The following NFATC2IP variants were observed in gnomAD, a reference collection of about 807,000 sequenced individuals.
NFATC2IP encodes nuclear factor of activated T cells 2 interacting protein, also known as NFATC2-interacting protein.
Under a neutral mutation model 40.2 loss-of-function variants are expected in NFATC2IP, and 25 were observed. The observed-to-expected ratio is 0.62, with a 90% CI of 0.45 to 0.87. The LOEUF (loss-of-function observed/expected upper bound fraction) is 0.87. Ranked by LOEUF, NFATC2IP falls within the 40% of genes least tolerant of loss-of-function variation. The pLI is 0.00. For synonymous variants in NFATC2IP, 241 were observed against 236.3 expected (o/e 1.02, Z -0.18); for missense variants, 553 against 555.6 (o/e 1.00, Z 0.05).
At chr16:28,953,001 G>T (rs1007936727) in intron 2 of NFATC2IP, among the ~76,000 whole-genome samples, 4 of 152,044 alleles carry the variant, frequency 2.6e-5, no homozygotes, top group African/African-American at 9.7e-5. Context: ...TTCCCAAATT[G>T]CTGGGATTAC....
rs368329011 is a variant in NFATC2IP, at chr16:28,959,017, G to A, written c.1018G>A (p.Glu340Lys). The A allele has an allele frequency of 1.9e-6, 3 of 1,614,048 alleles. No individual in the cohort carries two copies. The highest frequency in any genetic ancestry group is 2.5e-6 in the Non-Finnish European group (3 of 1,179,914). ...CTGTGTGGTACTAACAAGTTCTCCAGAGGCCACAGAGACGTCCCAACAGCT... is the reference window on the plus strand; with the variant it reads ...CTGTGTGGTACTAACAAGTTCTCCAAAGGCCACAGAGACGTCCCAACAGCT... ...IDCVVLTSSP[E>K]ATETSQQLQL... The change falls in exon 7 of 8, where the codon GAG becomes AAG. Residue 340 changes from glutamate to lysine, a missense_variant. Coordinates refer to ENST00000320805, the MANE Select transcript of NFATC2IP (RefSeq NM_032815.4).
chr16:28,959,664 C>G (rs1965062839), intron 7 of NFATC2IP, among the ~76,000 whole-genome samples: 1 of 149,458 alleles, frequency 6.7e-6, no homozygotes, highest in African/African-American at 2.5e-5. Context: ...CCTCTGCCTT[C>G]CGAGTTTCAA....
Position 28,959,086 on chromosome 16 carries a change from G to A in NFATC2IP, c.1087G>A (p.Val363Ile), listed in dbSNP as rs1965055346. 2.5e-6 allele frequency: 4 copies of A among 1,609,280 alleles called. No individual in the cohort carries two copies. The highest frequency in any genetic ancestry group is 3.4e-6 in the Non-Finnish European group (4 of 1,175,580). ...AAAGGAGAAACACCAGACACTGGAA[G>A]TCTCACTGTCTCGAGTGAGTGGGAG... ...QGKEKHQTLE[V>I]SLSRDSPLKT... is the part of the protein sequence containing the mutation. Residue 363 changes from valine (V) to isoleucine (I), a missense_variant, in exon 7 of 8, where the codon GTC (valine) becomes ATC (isoleucine). Physicochemically the swap from Val to Ile is conservative, Grantham distance 29 (BLOSUM62 3). Coordinates refer to ENST00000320805, the MANE Select transcript of NFATC2IP (RefSeq NM_032815.4).
At chr16:28,958,462 G>A in intron 5 of NFATC2IP, 1 of 397,532 alleles carries the variant, frequency 2.5e-6, no homozygotes, top group East Asian at 4.5e-5. Context: ...TAGGTGGCAT[G>A]TGAATTCCAG....
Position 28,951,103 on chromosome 16 carries a change from GTCCTCGGGCCCAGCGGTCTCCA to G in NFATC2IP, c.96_117del (p.Arg33GlyfsTer6). 6.5e-7 allele frequency: 1 copy of G among 1,544,802 alleles called. No homozygotes were observed. ...GGCGGCTGGGGCGGTCGGGGCCGGCGTCCTCGGGCCCAGCGGTCTCCATCCCGGGGCACGCTGGACGTAGTGT... is the reference window on the plus strand; with the variant it reads ...GGCGGCTGGGGCGGTCGGGGCCGGCGTCCCGGGGCACGCTGGACGTAGTGT... On this transcript the variant is annotated frameshift_variant, in exon 1 of 8. Transcript: ENST00000320805.
At position 28,956,355 on chromosome 16, in the gene NFATC2IP, A is replaced by G; in HGVS notation, c.846+18A>G. The G allele has an allele frequency of 6.2e-7, 1 of 1,605,378 alleles. No individual in the cohort carries two copies. Among genetic ancestry groups the G allele is most frequent in the Non-Finnish European group, 8.5e-7 (1 of 1,173,638 alleles). ...TCAGGATGGTGAGTGCCTGAGGCCCATGGGAGAAGGACCCAGGAGCTGCTT... is the reference window on the plus strand; with the variant it reads ...TCAGGATGGTGAGTGCCTGAGGCCCGTGGGAGAAGGACCCAGGAGCTGCTT... On this transcript the variant is annotated intron_variant, in intron 5 of 7. Coordinates refer to ENST00000320805, the MANE Select transcript of NFATC2IP (RefSeq NM_032815.4).
At chr16:28,962,780 G>T (rs1480790877) in intron 7 of NFATC2IP, among the ~76,000 whole-genome samples, 2 of 152,204 alleles carry the variant, frequency 1.3e-5, no homozygotes, top group Non-Finnish European at 2.9e-5. Context: ...CCTGGCTCCT[G>T]CTGGCGGCCC....
At position 28,951,295 on chromosome 16, in the gene NFATC2IP, A is replaced by G; in HGVS notation, c.284A>G (p.Glu95Gly). The change falls in exon 1 of 8, where the codon GAG becomes GGG. Residue 95 changes from glutamate to glycine, a missense_variant. Transcript: ENST00000320805. The stretch of plus-strand genomic sequence containing the variant: ...AACAGCAACAGTGACAGCGAAGGGG[A>G]GGACAGGCGGCCCGCAGGACCCCCG... Reference protein sequence around the residue: ...RDNSNSDSEGEDRRPAGPPRE... With the variant: ...RDNSNSDSEGGDRRPAGPPRE... The G allele has an allele frequency of 7.0e-7, 1 of 1,429,960 alleles. No homozygotes were observed. Among genetic ancestry groups the G allele is most frequent in the South Asian group, 1.5e-5 (1 of 67,878 alleles). The allele number at this position is 1,429,960 out of a possible 1,614,324, so 88.6% of individuals were successfully genotyped here.
In NFATC2IP at chr16:28,951,331, T is replaced by C. The variant is rs928865139; in HGVS notation, c.320T>C (p.Val107Ala). Reference sequence around the variant, plus strand: ...CCCGCAGGACCCCCGCGGGAGCCGGTCAGGCGGCGGCGGCGGCTGGTGCTG... The same window carrying C: ...CCCGCAGGACCCCCGCGGGAGCCGGCCAGGCGGCGGCGGCGGCTGGTGCTG... ...RRPAGPPREP[V>A]RRRRRLVLDP... Residue 107 changes from valine (V) to alanine (A), a missense_variant, in exon 1 of 8, where the codon GTC (valine) becomes GCC (alanine). Coordinates refer to ENST00000320805, the MANE Select transcript of NFATC2IP (RefSeq NM_032815.4). The C allele has an allele frequency of 2.1e-6, 3 of 1,404,162 alleles. No homozygotes were observed. Among genetic ancestry groups the C allele is most frequent in the Non-Finnish European group, 2.8e-6 (3 of 1,077,852 alleles). The allele number at this position is 1,404,162 out of a possible 1,614,324, so 87.0% of individuals were successfully genotyped here. A position where few individuals can be genotyped will look rare whatever the true frequency, so the allele number is the denominator to read the frequency against.
At chr16:28,959,955 G>A (rs1367539745) in intron 7 of NFATC2IP, among the ~76,000 whole-genome samples, 2 of 152,288 alleles carry the variant, frequency 1.3e-5, no homozygotes, top group Admixed American at 6.5e-5. Context: ...GTACACTTCT[G>A]GAGCCTAGAA....
rs768906176 is a variant in NFATC2IP at position 28,959,099 on chromosome 16, G to T, written c.1100G>T (p.Arg367Leu). Residue 367 changes from arginine (R) to leucine (L), a missense_variant and splice_region_variant, in exon 7 of 8, where the codon CGA (arginine) becomes CTA (leucine). By Grantham distance (102) the Arg-to-Leu change is moderately radical. Coordinates refer to ENST00000320805, the MANE Select transcript of NFATC2IP (RefSeq NM_032815.4). ...KHQTLEVSLSRDSPLKTLMSH... is the reference protein window; with the variant it reads ...KHQTLEVSLSLDSPLKTLMSH... ...CAGACACTGGAAGTCTCACTGTCTCGAGTGAGTGGGAGAGATGGCTCTCCA... is the reference window on the plus strand; with the variant it reads ...CAGACACTGGAAGTCTCACTGTCTCTAGTGAGTGGGAGAGATGGCTCTCCA... 6.3e-7 allele frequency: 1 copy of T among 1,579,196 alleles called. No individual in the cohort carries two copies. Among genetic ancestry groups the T allele is most frequent in the Non-Finnish European group, 8.7e-7 (1 of 1,148,486 alleles).
At position 28,955,973 on chromosome 16, in the gene NFATC2IP, T is replaced by A; in HGVS notation, c.579-5T>A. 1 of 1,612,014 alleles carries A rather than the reference T, an allele frequency of 6.2e-7. No individual in the cohort carries two copies. Among genetic ancestry groups the A allele is most frequent in the East Asian group, 2.2e-5 (1 of 44,868 alleles). ...CCTCCGTCCTGCTGTCTCTTGCTTCTACAGGGATCTGGACAACTCTCCTCT... is the reference window on the plus strand; with the variant it reads ...CCTCCGTCCTGCTGTCTCTTGCTTCAACAGGGATCTGGACAACTCTCCTCT... On this transcript the variant is annotated splice_region_variant and splice_polypyrimidine_tract_variant and intron_variant, in intron 3 of 7. Coordinates refer to ENST00000320805, the MANE Select transcript of NFATC2IP (RefSeq NM_032815.4).
At chr16:28,955,876 A>T (rs1965014689) in intron 3 of NFATC2IP, 102 bp from the exon 4 acceptor site, 1 of 945,612 alleles carries the variant, frequency 1.1e-6, no homozygotes, top group African/African-American at 1.6e-5. Context: ...GGTGTGAGCC[A>T]TTGCGTCCGA....
chr16:28,952,816 C>T (rs530027666), intron 2 of NFATC2IP, among the ~76,000 whole-genome samples: 2 of 151,348 alleles, frequency 1.3e-5, no homozygotes, highest in Non-Finnish European at 2.9e-5. Context: ...GATCTCGGCT[C>T]GCTGCAACCT....
At chr16:28,952,662 T>C (rs953056495) in intron 2 of NFATC2IP, 2 of 170,700 alleles carry the variant, frequency 1.2e-5, no homozygotes, top group African/African-American at 4.8e-5. Flanking sequence ...GGACCAAGAC[T>C]CTTGTACCAT....
chr16:28,954,252 A>G (rs1964996276), intron 2 of NFATC2IP, among the ~76,000 whole-genome samples: 1 of 151,986 alleles, frequency 6.6e-6, no homozygotes, highest in Non-Finnish European at 1.5e-5. Context: ...CACAGTATTT[A>G]TTTTTGTGGT....
intron 2 of NFATC2IP, among the ~76,000 whole-genome samples, chr16:28,953,311 G>A (rs904513248): frequency 5.3e-5 from 8 of 152,020 alleles, no homozygotes; most frequent in African/African-American, 1.7e-4. Flanking sequence ...GACCTTAGGT[G>A]ATCTGTCTGC....
intron 2 of NFATC2IP, among the ~76,000 whole-genome samples, chr16:28,954,177 G>A (rs779060956): frequency 2.0e-5 from 3 of 152,050 alleles, no homozygotes; most frequent in African/African-American, 4.8e-5. Context: ...ATATGTCCCC[G>A]CAGAGGCAAA....
At chr16:28,963,508 C>G (rs1175887808) in intron 7 of NFATC2IP, among the ~76,000 whole-genome samples, 197 bp from the exon 8 acceptor site, 3 of 152,194 alleles carry the variant, frequency 2.0e-5, no homozygotes, top group Non-Finnish European at 4.4e-5. Context: ...AGAGGGATGA[C>G]AGGATTCGTC....
Sources: allele counts gnomAD v4.1 joint callset (sites outside exome capture counted in the v4.1 genomes callset), GRCh38; gene constraint gnomAD v4.1.1; transcripts MANE v1.5; gene names NCBI Gene and HGNC (gene_info 2026-07-23, HGNC 2026-07-21).